Variants in CDC14B observed in about 807,000 individuals in gnomAD.
The protein encoded by CDC14B is dual specificity protein phosphatase CDC14B.
A neutral mutation model predicts 64.2 loss-of-function variants in CDC14B; 22 were observed. That is an observed-to-expected ratio of 0.34 (90% CI 0.24 to 0.49). The LOEUF (loss-of-function observed/expected upper bound fraction) is 0.49, where lower values mean the gene tolerates loss of function less well. CDC14B is among the 20% of genes least tolerant of loss of function. CDC14B has a pLI of 0.99. For synonymous variants in CDC14B, 191 were observed against 215.8 expected (o/e 0.89, Z 1.01); for missense variants, 498 against 629.9 (o/e 0.79, Z 2.24).
chr9:96,618,162 C>G (rs1847755833), intron 1 of CDC14B, among the ~76,000 whole-genome samples: 1 of 152,176 alleles, frequency 6.6e-6, no homozygotes, highest in Non-Finnish European at 1.5e-5. Context: ...TTCTCCTAAA[C>G]GTCTGTGTTT....
intron 1 of CDC14B, among the ~76,000 whole-genome samples, chr9:96,578,472 G>A (rs1309952671): frequency 6.6e-6 from 1 of 152,206 alleles, no homozygotes; most frequent in Admixed American, 6.5e-5. Context: ...ACTAACCCGT[G>A]ATGTCGTGTG....
rs760275349 is a variant in CDC14B, at chr9:96,509,727, G to A, written c.1406C>T (p.Ala469Val). 3 of 1,613,162 alleles carry A rather than the reference G, an allele frequency of 1.9e-6. No individual in the cohort carries two copies. The highest frequency in any genetic ancestry group is 2.5e-6 in the Non-Finnish European group (3 of 1,179,236). The change falls in exon 13 of 14, where the codon GCA (alanine) becomes GTA (valine). Residue 469 changes from alanine to valine, a missense_variant. By Grantham distance (64) the Ala-to-Val change is moderately conservative. Coordinates refer to ENST00000375241, the MANE Select transcript of CDC14B (RefSeq NM_033331.4). ...KTSEPNISGSAGITKRTTRSA... is the reference protein window; with the variant it reads ...KTSEPNISGSVGITKRTTRSA... ...TCTGGTGGTTCTTTTAGTAATGCCT[G>A]CACTGCCAGAAATGTTAGGTTCAGA...
At chr9:96,548,015 C>T (rs1337171616) in intron 5 of CDC14B, among the ~76,000 whole-genome samples, 4 of 151,972 alleles carry the variant, frequency 2.6e-5, no homozygotes, top group Admixed American at 6.6e-5. Flanking sequence ...TTAGTAGAGA[C>T]GGGGTTTCAC....
intron 1 of CDC14B, 88 bp from the exon 2 acceptor site, chr9:96,565,571 A>G: frequency 4.5e-6 from 4 of 885,796 alleles, no homozygotes; most frequent in Non-Finnish European, 7.6e-6. Flanking sequence ...GATGAAGTCA[A>G]TTTTTCATTT....
intron 1 of CDC14B, among the ~76,000 whole-genome samples, chr9:96,618,899 G>A (rs887084239): frequency 6.6e-6 from 1 of 152,236 alleles, no homozygotes; most frequent in African/African-American, 2.4e-5. Flanking sequence ...GCAGCCCGCG[G>A]GGAGGAGCTG....
intron 7 of CDC14B, 143 bp downstream of exon 7, chr9:96,538,935 G>A: frequency 6.4e-6 from 4 of 622,944 alleles, no homozygotes; most frequent in Non-Finnish European, 1.2e-5. Context: ...AGCTTGATTA[G>A]GTAATCATTT....
At chr9:96,597,160 G>A (rs1210450515) in intron 1 of CDC14B, among the ~76,000 whole-genome samples, 1 of 152,140 alleles carries the variant, frequency 6.6e-6, no homozygotes, top group African/African-American at 2.4e-5. Context: ...GGGAAGCAAA[G>A]AAGGCTATCA....
At position 96,545,686 on chromosome 9, in the gene CDC14B, G is replaced by C. The variant is rs189478654; in HGVS notation, c.498-3794C>G. On this transcript the variant is annotated intron_variant, in intron 5 of 13. Coordinates refer to ENST00000375241, the MANE Select transcript of CDC14B (RefSeq NM_033331.4). ...AAAGACATGTTGATTCAGTCTCTGT[G>C]ACATTTTGGCAAATTTCTTCAATGC... Among the ~76,000 whole-genome samples the C allele has an allele frequency of 4.4e-4, 66 of 150,682 alleles. 1 individual carries two copies. In the East Asian group the frequency reaches 0.012, roughly 27 times the overall value.
intron 5 of CDC14B, among the ~76,000 whole-genome samples, chr9:96,546,408 G>C (rs1223058949): frequency 6.6e-6 from 1 of 151,956 alleles, no homozygotes; most frequent in East Asian, 1.9e-4. Context: ...ACTGGAAAGG[G>C]GTGGGAGGGA....
In CDC14B at chr9:96,563,742, A is replaced by G. The variant is rs181516350; in HGVS notation, c.328-957T>C. 2.1e-3 allele frequency among the ~76,000 whole-genome samples: 326 copies of G among 151,784 alleles called. 1 individual carries two copies. The highest frequency in any genetic ancestry group is 6.0e-3 in the Admixed American group (92 of 15,278). ...AAGACTAAAAGTCCACAGATGGTTG[A>G]GTACAGGAAAAAAATTTTTTTCCAA... On this transcript the variant is annotated intron_variant, in intron 3 of 13. Transcript: ENST00000375241.
chr9:96,592,385 T>A (rs1845841982), intron 1 of CDC14B, among the ~76,000 whole-genome samples: 1 of 152,234 alleles, frequency 6.6e-6, no homozygotes, highest in South Asian at 2.1e-4. Flanking sequence ...GCCAAAAAGC[T>A]GTTTTTGCTT....
chr9:96,594,171 G>A (rs2118669287), intron 1 of CDC14B, among the ~76,000 whole-genome samples: 1 of 151,818 alleles, frequency 6.6e-6, no homozygotes, highest in East Asian at 1.9e-4. Flanking sequence ...GAAACAAAAA[G>A]GTGAGCCCTG....
At chr9:96,534,376 T>G in intron 8 of CDC14B, 79 bp downstream of exon 8, 1 of 1,034,176 alleles carries the variant, frequency 9.7e-7, no homozygotes, top group Admixed American at 1.9e-5. Flanking sequence ...TGGTCAAGCT[T>G]GGTGTAACTC....
chr9:96,508,736 A>T (rs1834518241), intron 13 of CDC14B, among the ~76,000 whole-genome samples: 1 of 152,206 alleles, frequency 6.6e-6, no homozygotes, highest in African/African-American at 2.4e-5. Flanking sequence ...CAAAGCACAC[A>T]GAACTCCCAG....
At chr9:96,550,889 G>A (rs1277969768) in intron 5 of CDC14B, among the ~76,000 whole-genome samples, 1 of 152,142 alleles carries the variant, frequency 6.6e-6, no homozygotes, top group East Asian at 1.9e-4. Flanking sequence ...GGAACACAGT[G>A]ACTTGACTGG....
At chr9:96,594,483 A>G (rs556385924) in intron 1 of CDC14B, among the ~76,000 whole-genome samples, 1 of 152,024 alleles carries the variant, frequency 6.6e-6, no homozygotes, top group Non-Finnish European at 1.5e-5. Flanking sequence ...TTGGGAGGCC[A>G]AGGCAGGTGG....
intron 4 of CDC14B, among the ~76,000 whole-genome samples, chr9:96,562,124 T>C (rs1289211689): frequency 6.6e-6 from 1 of 152,254 alleles, no homozygotes; most frequent in Non-Finnish European, 1.5e-5. Flanking sequence ...ATGGAGCACT[T>C]GATGGCATAT....
At chr9:96,519,305 C>T (rs1176968945) in intron 12 of CDC14B, among the ~76,000 whole-genome samples, 2 of 152,140 alleles carry the variant, frequency 1.3e-5, no homozygotes, top group African/African-American at 2.4e-5. Flanking sequence ...CTTGTCATCA[C>T]GTCCTGAAGA....
downstream of CDC14B, chr9:96,496,393 T>TACCACCACC (rs60964390): frequency 1.7e-5 from 8 of 481,800 alleles, no homozygotes; most frequent in Admixed American, 1.1e-4. Context: ...GCGCTGTACT[T>TACCACCACC]ACCACCACCA....
Sources: gnomAD v4.1 joint callset for allele counts (sites outside exome capture counted in the v4.1 genomes callset) on GRCh38, gnomAD v4.1.1 for gene constraint, MANE v1.5 for transcripts, NCBI Gene and HGNC (gene_info 2026-07-23, HGNC 2026-07-21) for gene names.